Variants in PRDM10 observed in about 807,000 individuals in gnomAD.
PRDM10 encodes the protein PR domain zinc finger protein 10.
PRDM10 carries 65 observed loss-of-function variants against 133.1 expected under a neutral mutation model. The ratio of observed to expected loss-of-function variants is 0.49; its 90% confidence interval spans 0.40 to 0.60. The LOEUF (loss-of-function observed/expected upper bound fraction) is 0.60. Among genes scored for constraint, PRDM10 ranks in the 20% least tolerant of loss-of-function variants. The probability of loss-of-function intolerance (pLI) is 0.00; values close to 1 mark genes in which losing one functional copy is unlikely to be tolerated. For synonymous variants in PRDM10, 582 were observed against 580.4 expected (o/e 1.00, Z -0.04); for missense variants, 1,137 against 1,507.1 (o/e 0.75, Z 4.07).
chr11:129,905,541 C>G (rs747556758), intron 20 of PRDM10, 97 bp downstream of exon 20: 33 of 937,850 alleles, frequency 3.5e-5, no homozygotes, highest in Non-Finnish European at 5.5e-5. Flanking sequence ...TGTGAGAAAA[C>G]AGAGTAAGCC....
chr11:129,935,959 A>C (rs1265025452), intron 8 of PRDM10, among the ~76,000 whole-genome samples: 1 of 152,248 alleles, frequency 6.6e-6, no homozygotes, highest in Non-Finnish European at 1.5e-5. Context: ...GAGCAGGGAC[A>C]GGCCATGCAG....
chr11:130,000,042 ATT>A (rs955648260), intron 1 of PRDM10, among the ~76,000 whole-genome samples: 19 of 138,596 alleles, frequency 1.4e-4, no homozygotes, highest in Non-Finnish European at 1.6e-4. Flanking sequence ...TCGCTTCTAA[ATT>A]TTTTTTTTTT....
chr11:129,999,909 G>A (rs1591714395), intron 1 of PRDM10, among the ~76,000 whole-genome samples: 1 of 152,032 alleles, frequency 6.6e-6, no homozygotes, highest in Non-Finnish European at 1.5e-5. Context: ...TTAAAAACTA[G>A]ATATTAAACC....
At chr11:129,981,089 T>G (rs905094571) in intron 1 of PRDM10, among the ~76,000 whole-genome samples, 2 of 152,016 alleles carry the variant, frequency 1.3e-5, no homozygotes, top group African/African-American at 2.4e-5. Context: ...CAGGCTGGTC[T>G]CCAACTCCTG....
chr11:129,940,397 T>C (rs770602625), intron 7 of PRDM10, among the ~76,000 whole-genome samples: 18 of 152,256 alleles, frequency 1.2e-4, no homozygotes, highest in South Asian at 2.1e-4. Flanking sequence ...ATTTTTGCTA[T>C]ATACTTCCAG....
intron 1 of PRDM10, among the ~76,000 whole-genome samples, chr11:129,995,908 T>A (rs947472756): frequency 3.3e-5 from 5 of 151,442 alleles, no homozygotes; most frequent in Non-Finnish European, 7.4e-5. Flanking sequence ...ATCATGCCAC[T>A]GCACTCCAGC....
At chr11:129,956,276 T>C (rs1951694806) in intron 3 of PRDM10, among the ~76,000 whole-genome samples, 1 of 152,162 alleles carries the variant, frequency 6.6e-6, no homozygotes, top group Admixed American at 6.5e-5. Context: ...TCTAAAGTTT[T>C]TAAAAATCTG....
chr11:129,925,446 TTG>T (rs1950648091), intron 11 of PRDM10, among the ~76,000 whole-genome samples: 2 of 152,186 alleles, frequency 1.3e-5, no homozygotes, highest in Admixed American at 6.5e-5. Flanking sequence ...TGAAATTTTT[TTG>T]TGTTTTGTTT....
intron 17 of PRDM10, among the ~76,000 whole-genome samples, chr11:129,913,227 A>C (rs1236118118): frequency 6.6e-5 from 10 of 151,654 alleles, no homozygotes; most frequent in African/African-American, 2.4e-4. Context: ...TCCAAAAAAA[A>C]AAAAAAAAAA....
At chr11:129,972,719 T>TA (rs1952058939) in intron 1 of PRDM10, among the ~76,000 whole-genome samples, 1 of 152,232 alleles carries the variant, frequency 6.6e-6, no homozygotes, top group South Asian at 2.1e-4. Flanking sequence ...TGATTCTGCA[T>TA]AACACTGTTT....
In PRDM10 at chr11:129,936,020, CA is replaced by C. The variant is rs570877064; in HGVS notation, c.1040-803del. On this transcript the variant is annotated intron_variant, in intron 8 of 20. Coordinates refer to ENST00000360871, the MANE Select transcript of PRDM10 (RefSeq NM_199437.2). The stretch of plus-strand genomic sequence containing the variant: ...TGTGGGGCTTTGAGCCAGGGGTTAT[CA>C]GCCTGACCTCATGGAAGGAGGGAGA... Among the ~76,000 whole-genome samples, 354 of 152,314 alleles carry C rather than the reference CA, an allele frequency of 2.3e-3. 2 individuals carry two copies. Among genetic ancestry groups the C allele is most frequent in the African/African-American group, 7.4e-3 (309 of 41,560 alleles).
chr11:129,905,635 T>A lies in PRDM10; in HGVS notation c.3267+3A>T. On this transcript the variant is annotated splice_donor_region_variant and intron_variant, in intron 20 of 20. Coordinates refer to ENST00000360871, the MANE Select transcript of PRDM10 (RefSeq NM_199437.2). ...AAAAACCCGACCGAGTAGCGTAGCT[T>A]ACCGAAGTAACCGCCTTCACCTGGC... 6.2e-7 allele frequency: 1 copy of A among 1,612,842 alleles called. No homozygotes were observed. The highest frequency in any genetic ancestry group is 8.5e-7 in the Non-Finnish European group (1 of 1,178,856).
In PRDM10 at chr11:129,932,129, A is replaced by G; in HGVS notation, c.1260T>C (p.Asn420=). The G allele has an allele frequency of 6.2e-7, 1 of 1,613,644 alleles. No individual in the cohort carries two copies. Among genetic ancestry groups the G allele is most frequent in the Non-Finnish European group, 8.5e-7 (1 of 1,179,898 alleles). The part of the protein sequence containing the change: ...KFIRLEITSE[N]GEKSDDGTQD... Reference sequence around the variant, plus strand: ...GTGTCCCATCGTCACTCTTTTCCCCATTTTCGCTGGTGATTTCCAGGCGGA... The same window carrying G: ...GTGTCCCATCGTCACTCTTTTCCCCGTTTTCGCTGGTGATTTCCAGGCGGA... The change falls in exon 10 of 21, where the codon AAT becomes AAC. Residue 420 remains asparagine, a synonymous_variant. Transcript: ENST00000360871.
Position 129,915,016 on chromosome 11 carries a change from G to C in PRDM10, c.2529C>G (p.Thr843=), listed in dbSNP as rs1296088612. The change falls in exon 17 of 21, where the codon ACC becomes ACG. Residue 843 remains threonine, a splice_region_variant and synonymous_variant. Transcript: ENST00000360871. The part of the protein sequence containing the change: ...PHCSKQYSSK[T]KMVQHIRKKH... ...TCTTTCGAATGTGCTGGACCATCTT[G>C]GTCTGAAAAAGCAAGGCAAAAAACA... The C allele has an allele frequency of 6.3e-7, 1 of 1,576,184 alleles. No individual in the cohort carries two copies. Among genetic ancestry groups the C allele is most frequent in the South Asian group, 1.1e-5 (1 of 87,052 alleles).
At chr11:129,911,710 A>C (rs907818282) in intron 18 of PRDM10, among the ~76,000 whole-genome samples, 1 of 152,202 alleles carries the variant, frequency 6.6e-6, no homozygotes, top group Non-Finnish European at 1.5e-5. Flanking sequence ...AACTCTGAGA[A>C]CTTATCTATG....
chr11:129,987,819 T>G (rs1193227491), intron 1 of PRDM10, among the ~76,000 whole-genome samples: 4 of 152,092 alleles, frequency 2.6e-5, no homozygotes, highest in African/African-American at 9.7e-5. Context: ...GCTAACACGG[T>G]GAAACCTCGT....
rs146647482 is a variant in PRDM10 at position 129,997,589 on chromosome 11, A to G, written c.-119+5133T>C. On this transcript the variant is annotated intron_variant, in intron 1 of 20. Coordinates refer to ENST00000360871, the MANE Select transcript of PRDM10 (RefSeq NM_199437.2). Reference sequence around the variant, plus strand: ...TGGTCTTTTTCTAAATCACAGGAGAAAAAAATGTAAGTTCAATGTTCTCAA... The same window carrying G: ...TGGTCTTTTTCTAAATCACAGGAGAGAAAAATGTAAGTTCAATGTTCTCAA... Among the ~76,000 whole-genome samples, 490 of 152,378 alleles carry G rather than the reference A, an allele frequency of 3.2e-3. 3 individuals carry two copies. The highest frequency in any genetic ancestry group is 0.011 in the African/African-American group (458 of 41,588).
chr11:129,989,157 C>A (rs1938593484), intron 1 of PRDM10, among the ~76,000 whole-genome samples: 1 of 152,088 alleles, frequency 6.6e-6, no homozygotes, highest in South Asian at 2.1e-4. Context: ...AAGACAAATT[C>A]CAGGCCAGCA....
intron 1 of PRDM10, among the ~76,000 whole-genome samples, chr11:130,001,769 G>C (rs1014583093): frequency 4.6e-5 from 7 of 152,142 alleles, no homozygotes; most frequent in Middle Eastern, 3.2e-3. Flanking sequence ...CGAGGGGCTG[G>C]AGAGGTGCAC....
Sources: allele counts gnomAD v4.1 joint callset (sites outside exome capture counted in the v4.1 genomes callset), GRCh38; gene constraint gnomAD v4.1.1; transcripts MANE v1.5; gene names NCBI Gene and HGNC (gene_info 2026-07-23, HGNC 2026-07-21).